CALCRL: variants seen among roughly 807,000 people sequenced by gnomAD.
The protein encoded by CALCRL is calcitonin receptor like receptor.
Under a neutral mutation model 60.4 loss-of-function variants are expected in CALCRL, and 27 were observed. The observed-to-expected ratio is 0.45, with a 90% confidence interval of 0.33 to 0.62. The LOEUF is 0.62. Among genes scored for constraint, CALCRL ranks in the 20% least tolerant of loss-of-function variants. The pLI, the probability that CALCRL is intolerant of heterozygous loss-of-function variation, is 0.03. For missense variants in CALCRL, 424 were observed against 540.7 expected, an observed-to-expected ratio of 0.78 and a Z score of 2.14; for synonymous variants, 190 against 182.6, an observed-to-expected ratio of 1.04 and a Z score of -0.33.
chr2:187,363,517 A>C lies in CALCRL; in HGVS notation c.501-15T>G. On this transcript the variant is annotated splice_polypyrimidine_tract_variant and intron_variant, in intron 8 of 14. Coordinates refer to ENST00000392370, the MANE Select transcript of CALCRL (RefSeq NM_005795.6). ...AACTTAGGCTCCTAAAAAGCAAGAA[A>C]AACAAGTGTGTTGACATCATGAAAT... 1 of 1,585,828 alleles carries C rather than the reference A, an allele frequency of 6.3e-7. No homozygotes were observed. The highest frequency in any genetic ancestry group is 8.6e-7 in the Non-Finnish European group (1 of 1,167,670).
Position 187,380,475 on chromosome 2 carries a change from T to G in CALCRL, c.400A>C (p.Lys134Gln). The G allele has an allele frequency of 6.3e-7, 1 of 1,585,880 alleles. No individual in the cohort carries two copies. The highest frequency in any genetic ancestry group is 8.7e-7 in the Non-Finnish European group (1 of 1,154,852). ...TCAGAATTATGACATACCTTCACTT[T>G]CTCGTGGGTGTTAACATTACACTGG... ...YTQCNVNTHE[K>Q]VKTALNLFYL... is the part of the protein sequence containing the mutation. Residue 134 changes from lysine (K) to glutamine (Q), a missense_variant, in exon 7 of 15, where the codon AAA becomes CAA. Coordinates refer to ENST00000392370, the MANE Select transcript of CALCRL (RefSeq NM_005795.6).
intron 1 of CALCRL, among the ~76,000 whole-genome samples, chr2:187,413,092 A>T (rs556591972): frequency 6.6e-6 from 1 of 152,282 alleles, no homozygotes; most frequent in South Asian, 2.1e-4. Context: ...CAGGGAAGGA[A>T]TTATCAAAGA....
chr2:187,435,071 T>A (rs1690573200), intron 1 of CALCRL, among the ~76,000 whole-genome samples: 1 of 152,194 alleles, frequency 6.6e-6, no homozygotes. Flanking sequence ...CAGGAGTTTA[T>A]TTATTTAAAC....
At chr2:187,352,434 T>C (rs1027255452) in intron 12 of CALCRL, 102 bp from the exon 13 acceptor site, 2 of 684,062 alleles carry the variant, frequency 2.9e-6, no homozygotes, top group Non-Finnish European at 5.0e-6. Flanking sequence ...ATATTTTTAA[T>C]GTACAAGAAT....
intron 10 of CALCRL, 109 bp downstream of exon 10, chr2:187,360,489 T>G (rs1687007288): frequency 1.1e-6 from 1 of 923,250 alleles, no homozygotes. Context: ...TCACCTGATA[T>G]TCTTTAAAAA....
At position 187,360,751 on chromosome 2, in the gene CALCRL, C is replaced by A; in HGVS notation, c.628G>T (p.Val210Phe). The change falls in exon 10 of 15, where the codon GTT (valine) becomes TTT (phenylalanine). Residue 210 changes from valine to phenylalanine, a missense_variant and splice_region_variant. Transcript: ENST00000392370. The part of the protein sequence containing the change: ...NNQALVATNP[V>F]SCKVSQFIHL... ...ATGAACTGGGACACTTTGCAACTAA[C>A]CTGTGAGGAAAAAAAAAACCCCAAT... 2 of 1,589,004 alleles carry A rather than the reference C, an allele frequency of 1.3e-6. No individual in the cohort carries two copies. The highest frequency in any genetic ancestry group is 1.7e-6 in the Non-Finnish European group (2 of 1,172,212).
intron 14 of CALCRL, among the ~76,000 whole-genome samples, chr2:187,347,068 TCTG>T (rs1686310524): frequency 6.6e-6 from 1 of 151,870 alleles, no homozygotes; most frequent in African/African-American, 2.4e-5. Flanking sequence ...TGAATCCTCT[TCTG>T]CTGAATAAAT....
chr2:187,443,706 C>T (rs1691034975), intron 1 of CALCRL, among the ~76,000 whole-genome samples: 1 of 151,720 alleles, frequency 6.6e-6, no homozygotes, highest in East Asian at 1.9e-4. Context: ...TTACTAAGTA[C>T]AAAATAAAAA....
At chr2:187,396,464 C>T (rs113200027) in intron 1 of CALCRL, among the ~76,000 whole-genome samples, 3 of 151,860 alleles carry the variant, frequency 2.0e-5, no homozygotes, top group African/African-American at 7.2e-5. Flanking sequence ...TTAACATTTT[C>T]TGAATTTTGG....
At chr2:187,375,268 G>A (rs1439102251) in intron 8 of CALCRL, among the ~76,000 whole-genome samples, 1 of 92,998 alleles carries the variant, frequency 1.1e-5, no homozygotes, top group Non-Finnish European at 2.0e-5. Flanking sequence ...GACAGAGCGA[G>A]ACTCCGTCTC....
At chr2:187,427,500 T>C (rs1386528622) in intron 1 of CALCRL, among the ~76,000 whole-genome samples, 3 of 152,162 alleles carry the variant, frequency 2.0e-5, no homozygotes, top group East Asian at 3.9e-4. Context: ...GTAAAGAATT[T>C]CATGAAGGTA....
chr2:187,368,018 A>G (rs1002257819), intron 8 of CALCRL, among the ~76,000 whole-genome samples: 23 of 152,066 alleles, frequency 1.5e-4, no homozygotes, highest in African/African-American at 5.3e-4. Flanking sequence ...GCGTCAAGTC[A>G]CTATGTGTAG....
intron 8 of CALCRL, 125 bp from the exon 9 acceptor site, chr2:187,363,627 C>T: frequency 1.0e-6 from 1 of 974,588 alleles, no homozygotes; most frequent in Non-Finnish European, 1.4e-6. Flanking sequence ...TTTTTTCTCC[C>T]TAAGATCCAC....
chr2:187,363,519 A>G lies in CALCRL; in HGVS notation c.501-17T>C. 6.3e-7 allele frequency: 1 copy of G among 1,584,206 alleles called. No homozygotes were observed. The highest frequency in any genetic ancestry group is 8.6e-7 in the Non-Finnish European group (1 of 1,166,822). On this transcript the variant is annotated splice_polypyrimidine_tract_variant and intron_variant, in intron 8 of 14. Transcript: ENST00000392370. ...CTTAGGCTCCTAAAAAGCAAGAAAAACAAGTGTGTTGACATCATGAAATGT... is the reference window on the plus strand; with the variant it reads ...CTTAGGCTCCTAAAAAGCAAGAAAAGCAAGTGTGTTGACATCATGAAATGT...
intron 10 of CALCRL, among the ~76,000 whole-genome samples, chr2:187,360,370 T>C (rs1017933019): frequency 2.6e-5 from 4 of 151,904 alleles, no homozygotes; most frequent in African/African-American, 9.7e-5. Flanking sequence ...GCATATTCAA[T>C]AGAAAAAAAG....
chr2:187,381,825 A>C lies in CALCRL; in HGVS notation c.185-1038T>G, dbSNP rs1273396233. ...CTGCATGAGATGTTTATTGTTTTTA[A>C]CAGATTTGCAAGGCAATATCGGCAT... On this transcript the variant is annotated intron_variant, in intron 5 of 14. Coordinates refer to ENST00000392370, the MANE Select transcript of CALCRL (RefSeq NM_005795.6). Among the ~76,000 whole-genome samples the C allele has an allele frequency of 2.0e-5, 3 of 152,152 alleles. No individual in the cohort carries two copies. In the East Asian group the frequency reaches 5.8e-4, roughly 29 times the overall value.
Position 187,345,017 on chromosome 2 carries a change from A to G in CALCRL, c.*1167T>C, listed in dbSNP as rs1269744952. 1 of 152,018 alleles carries G rather than the reference A, an allele frequency of 6.6e-6. No homozygotes were observed. The highest frequency in any genetic ancestry group is 1.5e-5 in the Non-Finnish European group (1 of 67,778). The allele number at this position is 152,018 out of a possible 1,614,324, so 9.4% of individuals were successfully genotyped here. ...GACCTTGTGTTTTTAAAATAAATAT[A>G]TCTTATGATAGATGTTTCTGTTCTC... is the stretch of plus-strand genomic sequence containing the variant. On this transcript the variant is annotated 3_prime_UTR_variant, in exon 15 of 15. Transcript: ENST00000392370.
At chr2:187,402,618 G>A (rs1396265211) in intron 1 of CALCRL, among the ~76,000 whole-genome samples, 1 of 151,680 alleles carries the variant, frequency 6.6e-6, no homozygotes, top group African/African-American at 2.4e-5. Flanking sequence ...TAATGCTCTA[G>A]GATAGATATT....
chr2:187,356,643 A>G (rs1430153645), intron 12 of CALCRL, among the ~76,000 whole-genome samples: 4 of 152,350 alleles, frequency 2.6e-5, no homozygotes, highest in African/African-American at 9.6e-5. Flanking sequence ...AACAAAAGCC[A>G]AAATTGACAA....
Sources: allele counts gnomAD v4.1 joint callset (sites outside exome capture counted in the v4.1 genomes callset), GRCh38; gene constraint gnomAD v4.1.1; transcripts MANE v1.5; gene names NCBI Gene and HGNC (gene_info 2026-07-23, HGNC 2026-07-21).